Variants in AFG1L observed in about 807,000 individuals in gnomAD.
The protein encoded by AFG1L is AFG1-like ATPase.
In AFG1L, 53 loss-of-function variants were observed where a neutral mutation model predicts 62.2. The ratio of observed to expected loss-of-function variants is 0.85; its 90% CI spans 0.68 to 1.07. The LOEUF (loss-of-function observed/expected upper bound fraction) is 1.07. AFG1L is among the 50% of genes least tolerant of loss of function. AFG1L has a pLI of 0.00. For missense variants in AFG1L, 555 were observed against 590.5 expected, an observed-to-expected ratio of 0.94 and a Z score of 0.62; for synonymous variants, 228 against 210.3, an observed-to-expected ratio of 1.08 and a Z score of -0.73.
At chr6:108,483,896 AG>A (rs1357470887) in intron 10 of AFG1L, among the ~76,000 whole-genome samples, 23 of 152,194 alleles carry the variant, frequency 1.5e-4, no homozygotes, top group Non-Finnish European at 1.9e-4. Flanking sequence ...TAGACTTATA[AG>A]TATACCATAT....
intron 3 of AFG1L, among the ~76,000 whole-genome samples, chr6:108,351,319 C>A (rs1364793936): frequency 1.3e-5 from 2 of 152,190 alleles, no homozygotes; most frequent in African/African-American, 4.8e-5. Context: ...TCTTTATAAT[C>A]TTTTGGGACC....
At chr6:108,403,838 A>G (rs1254763790) in intron 7 of AFG1L, among the ~76,000 whole-genome samples, 1 of 151,760 alleles carries the variant, frequency 6.6e-6, no homozygotes, top group African/African-American at 2.4e-5. Context: ...TTGGCCAGTA[A>G]TTAGTCATAC....
intron 8 of AFG1L, among the ~76,000 whole-genome samples, chr6:108,460,899 G>C (rs1438811946): frequency 6.6e-6 from 1 of 152,182 alleles, no homozygotes; most frequent in Non-Finnish European, 1.5e-5. Flanking sequence ...GGAGCTTGCA[G>C]TGAGCTGAGA....
intron 6 of AFG1L, among the ~76,000 whole-genome samples, chr6:108,387,113 C>G (rs1780797953): frequency 6.6e-6 from 1 of 152,036 alleles, no homozygotes; most frequent in South Asian, 2.1e-4. Context: ...ACAGATAGAT[C>G]AAAAGCAATT....
At chr6:108,330,521 T>C (rs1296610862) in intron 2 of AFG1L, among the ~76,000 whole-genome samples, 1 of 152,182 alleles carries the variant, frequency 6.6e-6, no homozygotes, top group East Asian at 1.9e-4. Context: ...AAGATAAAAC[T>C]CTGACTTTGG....
At chr6:108,331,448 G>A (rs1231135036) in intron 2 of AFG1L, among the ~76,000 whole-genome samples, 6 of 152,042 alleles carry the variant, frequency 3.9e-5, no homozygotes, top group Admixed American at 3.9e-4. Context: ...ATTAACCAAG[G>A]TGATAAAATT....
In AFG1L at chr6:108,460,908, G is replaced by T. The variant is rs559470949; in HGVS notation, c.890+13612G>T. 1.2e-4 allele frequency among the ~76,000 whole-genome samples: 19 copies of T among 152,328 alleles called. 1 individual carries two copies. The highest frequency in any genetic ancestry group is 1.2e-3 in the Admixed American group (19 of 15,300). ...GAAGGCGGAGCTTGCAGTGAGCTGA[G>T]ATGGCGCCACTGCACTCCAGCCTGG... On this transcript the variant is annotated intron_variant, in intron 8 of 12. Coordinates refer to ENST00000368977, the MANE Select transcript of AFG1L (RefSeq NM_145315.5).
intron 10 of AFG1L, among the ~76,000 whole-genome samples, chr6:108,478,897 G>C (rs1773229487): frequency 6.6e-6 from 1 of 152,142 alleles, no homozygotes; most frequent in East Asian, 1.9e-4. Flanking sequence ...TTACTGTCCG[G>C]GGGTGATGGG....
intron 7 of AFG1L, among the ~76,000 whole-genome samples, chr6:108,438,813 A>G (rs946337158): frequency 5.9e-5 from 9 of 152,188 alleles, no homozygotes; most frequent in Admixed American, 3.3e-4. Context: ...TTAATCAGGT[A>G]TGGGTATTTG....
At chr6:108,355,780 A>AC in intron 4 of AFG1L, 25 bp downstream of exon 4, 1 of 1,463,294 alleles carries the variant, frequency 6.8e-7, no homozygotes. Flanking sequence ...GAAAGAAGTG[A>AC]TTTTTTCAGT....
At position 108,476,866 on chromosome 6, in the gene AFG1L, A is replaced by G. The variant is rs755338328; in HGVS notation, c.892A>G (p.Thr298Ala). The change falls in exon 9 of 13, where the codon ACA becomes GCA. Residue 298 changes from threonine to alanine, a missense_variant and splice_region_variant. Physicochemically the swap from Thr to Ala is moderately conservative, Grantham distance 58. Coordinates refer to ENST00000368977, the MANE Select transcript of AFG1L (RefSeq NM_145315.5). The stretch of plus-strand genomic sequence containing the variant: ...ATTCTATTATTCTTTTCACTGTAGC[A>G]CAAGTGAAGCTGATGTGGAGGCTGT... ...LPAAGKLYYL[T>A]SEADVEAVMD... is the part of the protein sequence containing the mutation. 4 of 1,609,906 alleles carry G rather than the reference A, an allele frequency of 2.5e-6. No individual in the cohort carries two copies. The highest frequency in any genetic ancestry group is 2.2e-5 in the South Asian group (2 of 90,992).
At chr6:108,319,656 G>A (rs1435622670) in intron 1 of AFG1L, 4 of 231,244 alleles carry the variant, frequency 1.7e-5, no homozygotes, top group Non-Finnish European at 2.7e-5. Flanking sequence ...GGAGTGCAGT[G>A]GCCATTCACA....
At chr6:108,469,084 G>T (rs1341358880) in intron 8 of AFG1L, among the ~76,000 whole-genome samples, 2 of 152,068 alleles carry the variant, frequency 1.3e-5, no homozygotes, top group African/African-American at 2.4e-5. Context: ...TAAGAATAAG[G>T]CATTAAAAAG....
intron 7 of AFG1L, among the ~76,000 whole-genome samples, chr6:108,435,776 G>A (rs980220845): frequency 6.6e-6 from 1 of 152,176 alleles, no homozygotes; most frequent in Non-Finnish European, 1.5e-5. Flanking sequence ...GCAGAACATA[G>A]CTGGAAGAAT....
chr6:108,509,661 C>T (rs1281357269), intron 10 of AFG1L, among the ~76,000 whole-genome samples: 1 of 152,216 alleles, frequency 6.6e-6, no homozygotes, highest in Admixed American at 6.5e-5. Context: ...CTCTTGTCTT[C>T]TCTCTTGCCC....
intron 10 of AFG1L, among the ~76,000 whole-genome samples, chr6:108,491,491 A>G (rs1014736969): frequency 6.6e-5 from 10 of 152,222 alleles, no homozygotes; most frequent in Non-Finnish European, 1.3e-4. Flanking sequence ...TAATGAAACT[A>G]TGCTATAAGG....
At chr6:108,492,644 TAGA>T (rs1773819383) in intron 10 of AFG1L, among the ~76,000 whole-genome samples, 1 of 152,286 alleles carries the variant, frequency 6.6e-6, no homozygotes, top group South Asian at 2.1e-4. Flanking sequence ...AGTGGGAAAT[TAGA>T]AGGAGTTATT....
intron 7 of AFG1L, among the ~76,000 whole-genome samples, chr6:108,434,463 A>G (rs1771217661): frequency 6.6e-6 from 1 of 152,062 alleles, no homozygotes; most frequent in South Asian, 2.1e-4. Context: ...TTTCTTCCTC[A>G]TTCTTTACCT....
intron 7 of AFG1L, among the ~76,000 whole-genome samples, chr6:108,443,474 A>T (rs1771630742): frequency 6.6e-6 from 1 of 152,220 alleles, no homozygotes; most frequent in African/African-American, 2.4e-5. Flanking sequence ...TGATAACTGG[A>T]ATATCAACAT....
Sources: gnomAD v4.1 joint callset for allele counts (sites outside exome capture counted in the v4.1 genomes callset) on GRCh38, gnomAD v4.1.1 for gene constraint, MANE v1.5 for transcripts, NCBI Gene and HGNC (gene_info 2026-07-23, HGNC 2026-07-21) for gene names.